NRG4: variants seen among roughly 807,000 people sequenced by gnomAD.
NRG4 encodes the protein neuregulin 4.
A neutral mutation model predicts 15.0 loss-of-function variants in NRG4; 10 were observed. The observed-to-expected ratio is 0.67, with a 90% CI of 0.41 to 1.13. The LOEUF is 1.13. Ranked by LOEUF, NRG4 falls within the 50% of genes most tolerant of loss-of-function variation. The pLI is 0.00. For missense variants in NRG4, 139 were observed against 140.2 expected, an observed-to-expected ratio of 0.99 and a Z score of 0.04; for synonymous variants, 41 against 50.1, an observed-to-expected ratio of 0.82 and a Z score of 0.77.
At chr15:75,980,565 C>T (rs375667375) in intron 3 of NRG4, among the ~76,000 whole-genome samples, 1 of 152,106 alleles carries the variant, frequency 6.6e-6, no homozygotes, top group East Asian at 1.9e-4. Context: ...GAATGTCAGG[C>T]GTAATCTAGG....
At chr15:76,016,530 C>T (rs1166856393), upstream of NRG4, among the ~76,000 whole-genome samples, 9 of 152,232 alleles carry the variant, frequency 5.9e-5, no homozygotes, top group Admixed American at 5.2e-4. Context: ...GATTCTGGTA[C>T]ATTGTTTCTT....
chr15:75,960,952 C>T (rs1175784685), intron 4 of NRG4, among the ~76,000 whole-genome samples: 1 of 152,072 alleles, frequency 6.6e-6, no homozygotes, highest in African/African-American at 2.4e-5. Context: ...AGCCAATTTC[C>T]TCCAATTTTT....
At chr15:76,055,027 C>T (rs763320574) in intron 2 of NRG4, among the ~76,000 whole-genome samples, 1 of 115,994 alleles carries the variant, frequency 8.6e-6, no homozygotes, top group Admixed American at 8.6e-5. Flanking sequence ...TGCCTATAAT[C>T]CCAGCACTTT....
At position 76,043,210 on chromosome 15, in the gene NRG4, A is replaced by G. The variant is rs529864014; in HGVS notation, c.-104-7219T>C. Among the ~76,000 whole-genome samples, 6 of 152,332 alleles carry G rather than the reference A, an allele frequency of 3.9e-5. No individual in the cohort carries two copies. The South Asian group carries it at 1.2e-3, about 32-fold the overall frequency. On this transcript the variant is annotated intron_variant, in intron 4 of 8. Transcript: ENST00000563910. ...ACTAGTATCATACTGAATGTGGAATAGCTGAGTCTTTCTTCTAAGATCTGG... is the reference window on the plus strand; with the variant it reads ...ACTAGTATCATACTGAATGTGGAATGGCTGAGTCTTTCTTCTAAGATCTGG...
chr15:76,010,268 A>G (rs1281210940), intron 2 of NRG4, among the ~76,000 whole-genome samples: 1 of 152,112 alleles, frequency 6.6e-6, no homozygotes, highest in East Asian at 1.9e-4. Flanking sequence ...AAACTTGTAC[A>G]TTGTTAGTTC....
intron 5 of NRG4, among the ~76,000 whole-genome samples, chr15:75,949,574 C>T (rs1379285115): frequency 5.3e-5 from 8 of 152,092 alleles, no homozygotes; most frequent in African/African-American, 9.7e-5. Context: ...CTTTGAAGCA[C>T]AAAAGTTTTA....
At chr15:75,979,481 C>A (rs920589933) in intron 3 of NRG4, among the ~76,000 whole-genome samples, 3 of 151,954 alleles carry the variant, frequency 2.0e-5, no homozygotes, top group Admixed American at 2.0e-4. Flanking sequence ...TATCTTGGTG[C>A]CCCCTTTAAT....
intron 3 of NRG4, among the ~76,000 whole-genome samples, chr15:75,969,629 C>T (rs1342093892): frequency 6.6e-6 from 1 of 152,170 alleles, no homozygotes; most frequent in Non-Finnish European, 1.5e-5. Flanking sequence ...AGTTTCATCA[C>T]CATATCCTGC....
intron 4 of NRG4, among the ~76,000 whole-genome samples, chr15:76,047,468 CA>C (rs1034425317): frequency 6.6e-6 from 1 of 150,782 alleles, no homozygotes; most frequent in African/African-American, 2.5e-5. Context: ...CCGTCATTTG[CA>C]GCAACATAGA....
At chr15:76,024,720 A>G (rs1433807219) in intron 5 of NRG4, among the ~76,000 whole-genome samples, 2 of 152,170 alleles carry the variant, frequency 1.3e-5, no homozygotes, top group Admixed American at 1.3e-4. Flanking sequence ...CCACACCACC[A>G]CTGCCAAACT....
At chr15:76,040,798 G>A (rs867134613) in intron 4 of NRG4, among the ~76,000 whole-genome samples, 7 of 152,132 alleles carry the variant, frequency 4.6e-5, no homozygotes, top group Non-Finnish European at 8.8e-5. Flanking sequence ...GGTCATGCAT[G>A]CCTGTAATCT....
chr15:75,947,823 T>C (rs1197531643), intron 5 of NRG4, among the ~76,000 whole-genome samples: 1 of 152,222 alleles, frequency 6.6e-6, no homozygotes, highest in African/African-American at 2.4e-5. Context: ...GTTTTTTGTT[T>C]GTTTGTATCA....
At chr15:76,022,914 G>C (rs1428367666) in intron 5 of NRG4, among the ~76,000 whole-genome samples, 1 of 151,936 alleles carries the variant, frequency 6.6e-6, no homozygotes, top group African/African-American at 2.4e-5. Flanking sequence ...AAGAAATAAA[G>C]CACAGGAATT....
At chr15:76,041,287 C>T (rs974722426) in intron 4 of NRG4, among the ~76,000 whole-genome samples, 24 of 151,862 alleles carry the variant, frequency 1.6e-4, no homozygotes, top group African/African-American at 4.8e-4. Flanking sequence ...ACAAATAAAA[C>T]GGCAAGAGTA....
intron 3 of NRG4, among the ~76,000 whole-genome samples, chr15:75,979,594 A>G (rs1259169843): frequency 6.6e-6 from 1 of 152,164 alleles, no homozygotes; most frequent in Non-Finnish European, 1.5e-5. Flanking sequence ...ACTGAATTGC[A>G]TAAGACCAGT....
chr15:76,024,792 A>T (rs184853104), intron 5 of NRG4, among the ~76,000 whole-genome samples: 4 of 152,298 alleles, frequency 2.6e-5, no homozygotes, highest in Non-Finnish European at 5.9e-5. Flanking sequence ...AGCTGAAGAA[A>T]CTACATGGAG....
intron 5 of NRG4, 83 bp from the exon 6 acceptor site, chr15:75,943,737 T>G: frequency 2.3e-6 from 2 of 872,870 alleles, no homozygotes; most frequent in Non-Finnish European, 3.8e-6. Flanking sequence ...GTCTCTTATC[T>G]TCTTCACATA....
intron 4 of NRG4, among the ~76,000 whole-genome samples, chr15:75,956,369 A>G (rs1185112275): frequency 1.3e-5 from 2 of 152,212 alleles, no homozygotes; most frequent in African/African-American, 4.8e-5. Flanking sequence ...AGCTTTCATT[A>G]TCAGTTGGGA....
intron 3 of NRG4, among the ~76,000 whole-genome samples, chr15:75,966,931 A>G (rs2032821190): frequency 6.6e-6 from 1 of 152,020 alleles, no homozygotes; most frequent in African/African-American, 2.4e-5. Context: ...CCTGGCCAAG[A>G]TGGTGAAACC....
Sources: gnomAD v4.1 joint callset for allele counts (sites outside exome capture counted in the v4.1 genomes callset) on GRCh38, gnomAD v4.1.1 for gene constraint, MANE v1.5 for transcripts, NCBI Gene and HGNC (gene_info 2026-07-23, HGNC 2026-07-21) for gene names.